Variants in EZH2 observed in about 807,000 individuals in gnomAD.
The protein encoded by EZH2 is enhancer of zeste 2 polycomb repressive complex 2 subunit.
In EZH2, 18 loss-of-function variants were observed where a neutral mutation model predicts 98.4. The ratio of observed to expected loss-of-function variants is 0.18; its 90% CI spans 0.13 to 0.27. EZH2 has a LOEUF of 0.27. EZH2 is among the 10% of genes least tolerant of loss of function. EZH2 has a pLI of 1.00. For synonymous variants in EZH2, 338 were observed against 312.3 expected (o/e 1.08, Z -0.87); for missense variants, 470 against 935.1 (o/e 0.50, Z 6.49).
chr7:148,882,604 G>C (rs1821170259), intron 1 of EZH2, among the ~76,000 whole-genome samples: 1 of 152,148 alleles, frequency 6.6e-6, no homozygotes, highest in Non-Finnish European at 1.5e-5. Flanking sequence ...TGAATTAGTT[G>C]CTAATGCTTA....
At chr7:148,842,742 A>C (rs1213744010) in intron 3 of EZH2, among the ~76,000 whole-genome samples, 2 of 152,104 alleles carry the variant, frequency 1.3e-5, no homozygotes, top group African/African-American at 2.4e-5. Context: ...TCAAAAACAA[A>C]AAAAAAAGAG....
intron 5 of EZH2, 69 bp downstream of exon 5, chr7:148,829,659 T>A: frequency 6.4e-7 from 1 of 1,554,768 alleles, no homozygotes; most frequent in Non-Finnish European, 8.7e-7. Context: ...ATGCCCTATA[T>A]GCTTCATAAA....
In EZH2 at chr7:148,881,119, T is replaced by C. The variant is rs115812676; in HGVS notation, c.-8+3045A>G. ...GAATCTATCATGATTTACAGAAAATTTGTCATCTATACTGATATAAAGACT... is the reference window on the plus strand; with the variant it reads ...GAATCTATCATGATTTACAGAAAATCTGTCATCTATACTGATATAAAGACT... On this transcript the variant is annotated intron_variant, in intron 1 of 19. Coordinates refer to ENST00000320356, the MANE Select transcript of EZH2 (RefSeq NM_004456.5). 7.4e-3 allele frequency among the ~76,000 whole-genome samples: 1,122 copies of C among 152,350 alleles called. 19 individuals are homozygous for C. Among genetic ancestry groups the C allele is most frequent in the African/African-American group, 0.026 (1,066 of 41,576 alleles).
chr7:148,815,169 C>T, intron 13 of EZH2, 130 bp from the exon 14 acceptor site: 2 of 1,176,292 alleles, frequency 1.7e-6, no homozygotes, highest in South Asian at 3.2e-5. Context: ...GAATGCATAA[C>T]ATTACACATA....
intron 3 of EZH2, among the ~76,000 whole-genome samples, chr7:148,840,581 T>C (rs551483166): frequency 1.4e-3 from 209 of 152,324 alleles, no homozygotes; most frequent in Admixed American, 1.7e-3. Context: ...ATCTGTTCAG[T>C]GGAGAGAAAA....
chr7:148,842,956 C>T (rs111851041), intron 3 of EZH2, among the ~76,000 whole-genome samples: 7,991 of 151,938 alleles, frequency 0.053, 357 homozygotes, highest in Admixed American at 0.14. Flanking sequence ...ACTTGTAATC[C>T]CAGCACTTTG....
intron 1 of EZH2, among the ~76,000 whole-genome samples, chr7:148,870,366 G>C (rs745739306): frequency 2.2e-4 from 33 of 152,024 alleles, no homozygotes; most frequent in Non-Finnish European, 4.1e-4. Context: ...TTATGAATAA[G>C]GATTGCACAG....
chr7:148,854,530 T>A lies in EZH2; in HGVS notation c.-7-7225A>T, dbSNP rs186889462. On this transcript the variant is annotated intron_variant, in intron 1 of 19. Coordinates refer to ENST00000320356, the MANE Select transcript of EZH2 (RefSeq NM_004456.5). Reference sequence around the variant, plus strand: ...GCCAAATAAATGTTTCTGTTTCTATTTCTCTAAAGAAAACAATAAACTACA... The same window carrying A: ...GCCAAATAAATGTTTCTGTTTCTATATCTCTAAAGAAAACAATAAACTACA... 2.2e-3 allele frequency among the ~76,000 whole-genome samples: 331 copies of A among 152,354 alleles called. 2 individuals carry two copies. The highest frequency in any genetic ancestry group is 3.5e-3 in the Non-Finnish European group (241 of 68,040).
At chr7:148,842,606 T>C (rs913143732) in intron 3 of EZH2, among the ~76,000 whole-genome samples, 5 of 152,156 alleles carry the variant, frequency 3.3e-5, no homozygotes, top group African/African-American at 1.2e-4. Context: ...AAGATTAACT[T>C]AAGAATAAAA....
At chr7:148,867,351 T>A (rs924858457) in intron 1 of EZH2, among the ~76,000 whole-genome samples, 2 of 152,000 alleles carry the variant, frequency 1.3e-5, no homozygotes, top group Admixed American at 6.6e-5. Context: ...TAAATAATTT[T>A]AAAAATTACC....
chr7:148,826,437 A>G lies in EZH2; in HGVS notation c.907+17T>C, dbSNP rs766822395. 8 of 1,539,648 alleles carry G rather than the reference A, an allele frequency of 5.2e-6. No individual in the cohort carries two copies. The highest frequency in any genetic ancestry group is 7.0e-6 in the Non-Finnish European group (8 of 1,137,516). On this transcript the variant is annotated intron_variant, in intron 8 of 19. Transcript: ENST00000320356. ...TAAAACATAATTCCACAACAAAGATAGAAAATGAAAACGTACAATAATTGC... is the reference window on the plus strand; with the variant it reads ...TAAAACATAATTCCACAACAAAGATGGAAAATGAAAACGTACAATAATTGC...
intron 3 of EZH2, among the ~76,000 whole-genome samples, chr7:148,835,983 T>C (rs1008273219): frequency 1.3e-5 from 2 of 152,212 alleles, no homozygotes; most frequent in African/African-American, 4.8e-5. Flanking sequence ...GCTGCAGCAC[T>C]ACGTACTACT....
rs1043842197 is a variant in EZH2, at chr7:148,813,073, A to G, written c.1851+886T>C. Among the ~76,000 whole-genome samples, 9 of 151,964 alleles carry G rather than the reference A, an allele frequency of 5.9e-5. No homozygotes were observed. In the South Asian group the frequency reaches 6.2e-4, roughly 11 times the overall value. On this transcript the variant is annotated intron_variant, in intron 15 of 19. Transcript: ENST00000320356. ...CACATACACACACACACACACACAC[A>G]CACACACACACAGAGCATAAGAGCA...
chr7:148,878,307 TTC>T (rs1477152957), intron 1 of EZH2, among the ~76,000 whole-genome samples: 1 of 152,212 alleles, frequency 6.6e-6, no homozygotes, highest in Non-Finnish European at 1.5e-5. Context: ...CTATTCTACT[TTC>T]TGTCTCCATA....
rs574123836 is a variant in EZH2 at position 148,870,012 on chromosome 7, C to A, written c.-8+14152G>T. 2.5e-3 allele frequency among the ~76,000 whole-genome samples: 377 copies of A among 152,094 alleles called. 1 individual carries two copies. Among genetic ancestry groups the A allele is most frequent in the African/African-American group, 8.7e-3 (361 of 41,504 alleles). ...AAGGTGAAAGGGTCACTTGAGCCCA[C>A]GAGTTTGAGACCAGCCTGGGCAATG... On this transcript the variant is annotated intron_variant, in intron 1 of 19. Transcript: ENST00000320356.
chr7:148,811,564 CTAAAA>C, intron 16 of EZH2, 56 bp downstream of exon 16: 5 of 1,351,692 alleles, frequency 3.7e-6, no homozygotes, highest in Non-Finnish European at 4.2e-6. Context: ...TAAAATCAAT[CTAAAA>C]TAAAGTAAAG....
At chr7:148,833,743 C>T (rs186511892) in intron 3 of EZH2, among the ~76,000 whole-genome samples, 1 of 152,240 alleles carries the variant, frequency 6.6e-6, no homozygotes, top group Admixed American at 6.5e-5. Flanking sequence ...ATCCTCATTA[C>T]AACACTGTAA....
intron 3 of EZH2, among the ~76,000 whole-genome samples, chr7:148,843,682 G>A (rs553264187): frequency 8.1e-5 from 10 of 123,882 alleles, no homozygotes; most frequent in Non-Finnish European, 1.3e-4. Flanking sequence ...TGCAAGCTCC[G>A]CCTCCCAGGT....
intron 1 of EZH2, among the ~76,000 whole-genome samples, chr7:148,847,981 G>A (rs1215805915): frequency 2.0e-5 from 3 of 152,188 alleles, no homozygotes; most frequent in Non-Finnish European, 4.4e-5. Flanking sequence ...CAGGCTCTCA[G>A]AACCAATTAT....
Sources: gnomAD v4.1 joint callset for allele counts (sites outside exome capture counted in the v4.1 genomes callset) on GRCh38, gnomAD v4.1.1 for gene constraint, MANE v1.5 for transcripts, NCBI Gene and HGNC (gene_info 2026-07-23, HGNC 2026-07-21) for gene names.